Variants in VWC2L observed in about 807,000 individuals in gnomAD.
The protein encoded by VWC2L is von Willebrand factor C domain containing 2 like, also known as von Willebrand factor C domain-containing protein 2-like.
In VWC2L, 10 loss-of-function variants were observed where a neutral mutation model predicts 21.6. That is an observed-to-expected ratio of 0.46 (90% confidence interval 0.29 to 0.78). The LOEUF (loss-of-function observed/expected upper bound fraction) is 0.78, where lower values mean the gene tolerates loss of function less well. Ranked by LOEUF, VWC2L falls within the 30% of genes least tolerant of loss-of-function variation. The pLI is 0.10. For missense variants in VWC2L, 209 were observed against 277.1 expected (o/e 0.75, Z 1.74); for synonymous variants, 96 against 94.3 (o/e 1.02, Z -0.10).
intron 2 of VWC2L, among the ~76,000 whole-genome samples, chr2:214,422,893 A>G (rs542691135): frequency 1.3e-5 from 2 of 152,312 alleles, no homozygotes; most frequent in South Asian, 4.1e-4. Context: ...TGCACTGAAC[A>G]CTACTCTTAA....
At chr2:214,422,130 C>T (rs1406962284) in intron 2 of VWC2L, among the ~76,000 whole-genome samples, 1 of 151,700 alleles carries the variant, frequency 6.6e-6, no homozygotes, top group Non-Finnish European at 1.5e-5. Flanking sequence ...CCTCGTGATC[C>T]GCCCGTCTCG....
chr2:214,536,401 A>C (rs1689529464), intron 3 of VWC2L, among the ~76,000 whole-genome samples: 1 of 152,072 alleles, frequency 6.6e-6, no homozygotes, highest in Non-Finnish European at 1.5e-5. Context: ...CATTGAAAAC[A>C]CCTTGTAGTG....
chr2:214,541,284 G>GAA (rs201085687), intron 3 of VWC2L, among the ~76,000 whole-genome samples: 24 of 146,294 alleles, frequency 1.6e-4, no homozygotes, highest in South Asian at 8.7e-4. Flanking sequence ...CACCCAAATG[G>GAA]AAAAAAAAAA....
At chr2:214,465,695 G>A (rs1405524277) in intron 3 of VWC2L, among the ~76,000 whole-genome samples, 1 of 152,138 alleles carries the variant, frequency 6.6e-6, no homozygotes, top group Non-Finnish European at 1.5e-5. Context: ...ACTTGCCCAG[G>A]AATTGAAGTC....
At chr2:214,501,823 A>G (rs1402867362) in intron 3 of VWC2L, among the ~76,000 whole-genome samples, 1 of 152,020 alleles carries the variant, frequency 6.6e-6, no homozygotes, top group African/African-American at 2.4e-5. Context: ...TTGAGCCACT[A>G]TATAAGACTC....
chr2:214,452,142 GT>G (rs1702965555), intron 3 of VWC2L, among the ~76,000 whole-genome samples: 1 of 152,058 alleles, frequency 6.6e-6, no homozygotes, highest in Non-Finnish European at 1.5e-5. Flanking sequence ...TCTTTTGTTT[GT>G]TTTTGGCTTT....
At chr2:214,501,715 C>G (rs12694334) in intron 3 of VWC2L, among the ~76,000 whole-genome samples, 1 of 139,456 alleles carries the variant, frequency 7.2e-6, no homozygotes. Context: ...GAGCAAGACT[C>G]TGTCTCAAAA....
intron 3 of VWC2L, among the ~76,000 whole-genome samples, chr2:214,444,139 T>C (rs1702803074): frequency 1.3e-5 from 2 of 152,076 alleles, no homozygotes; most frequent in African/African-American, 2.4e-5. Context: ...CCTAACTACA[T>C]ATGAAAATTT....
chr2:214,484,931 G>GAAATGTATCATCATGA (rs1191520206), intron 3 of VWC2L, among the ~76,000 whole-genome samples: 1 of 152,146 alleles, frequency 6.6e-6, no homozygotes, highest in Non-Finnish European at 1.5e-5. Flanking sequence ...CCAGAGCATG[G>GAAATGTATCATCATGA]AAATGTATCA....
chr2:214,478,970 C>T (rs1559303010), intron 3 of VWC2L, among the ~76,000 whole-genome samples: 1 of 152,188 alleles, frequency 6.6e-6, no homozygotes, highest in Non-Finnish European at 1.5e-5. Flanking sequence ...ATTAGGAACT[C>T]ATACTGCCAC....
At chr2:214,482,186 C>T (rs758059493) in intron 3 of VWC2L, among the ~76,000 whole-genome samples, 3 of 152,180 alleles carry the variant, frequency 2.0e-5, no homozygotes, top group Non-Finnish European at 2.9e-5. Flanking sequence ...TATGTACTCA[C>T]AACCTTAAGA....
At chr2:214,467,787 C>T (rs908990012) in intron 3 of VWC2L, among the ~76,000 whole-genome samples, 11 of 152,222 alleles carry the variant, frequency 7.2e-5, no homozygotes, top group African/African-American at 2.6e-4. Flanking sequence ...CATTCAATAA[C>T]TACTGAGTAC....
At chr2:214,486,473 T>C (rs1688674140) in intron 3 of VWC2L, among the ~76,000 whole-genome samples, 1 of 152,190 alleles carries the variant, frequency 6.6e-6, no homozygotes, top group South Asian at 2.1e-4. Context: ...CCAAACAGAC[T>C]ATCTTCTTTA....
chr2:214,507,841 T>C (rs1688988971), intron 3 of VWC2L, among the ~76,000 whole-genome samples: 1 of 152,208 alleles, frequency 6.6e-6, no homozygotes, highest in Non-Finnish European at 1.5e-5. Context: ...GGAATGGGTT[T>C]CAAGGAATTT....
intron 3 of VWC2L, among the ~76,000 whole-genome samples, chr2:214,499,971 G>A (rs949494123): frequency 6.6e-6 from 1 of 152,166 alleles, no homozygotes; most frequent in Non-Finnish European, 1.5e-5. Context: ...TAGGATAGTT[G>A]GGAAAGGCCT....
At chr2:214,542,071 T>C (rs1689637709) in intron 3 of VWC2L, among the ~76,000 whole-genome samples, 1 of 152,176 alleles carries the variant, frequency 6.6e-6, no homozygotes, top group Non-Finnish European at 1.5e-5. Flanking sequence ...TGAGTGAATA[T>C]AATGCTGATG....
At chr2:214,557,645 T>C (rs1436280624) in intron 3 of VWC2L, among the ~76,000 whole-genome samples, 1 of 152,180 alleles carries the variant, frequency 6.6e-6, no homozygotes, top group East Asian at 1.9e-4. Context: ...GTCTCAACCA[T>C]TTCCTTTTTT....
intron 3 of VWC2L, among the ~76,000 whole-genome samples, chr2:214,530,691 T>C (rs1249760377): frequency 2.0e-5 from 3 of 152,156 alleles, no homozygotes; most frequent in Non-Finnish European, 4.4e-5. Context: ...GTAAGTAACT[T>C]GTACAAGCTC....
rs55864016 is a variant in VWC2L, at chr2:214,563,546, C to CAAAAAAAAAAAAAAAAAAAAAA, written c.521-12112_521-12091dup. Reference sequence around the variant, plus strand: ...TGGGTGACACAGCAAGACTCCGTCTCAAAAAAAAAAAAAAAAAAAAAAAAA... The same window carrying CAAAAAAAAAAAAAAAAAAAAAA: ...TGGGTGACACAGCAAGACTCCGTCTCAAAAAAAAAAAAAAAAAAAAAAAAAAAAAAAAAAAAAAAAAAAAAAA... On this transcript the variant is annotated intron_variant, in intron 3 of 3. Coordinates refer to ENST00000312504, the MANE Select transcript of VWC2L (RefSeq NM_001080500.4). Among the ~76,000 whole-genome samples the CAAAAAAAAAAAAAAAAAAAAAA allele has an allele frequency of 4.6e-4, 44 of 95,858 alleles. 1 individual carries two copies. Among genetic ancestry groups the CAAAAAAAAAAAAAAAAAAAAAA allele is most frequent in the African/African-American group, 8.8e-4 (21 of 23,784 alleles). 62.9% of individuals were successfully genotyped at this position (95,858 alleles called of 152,430 possible).
Sources: allele counts gnomAD v4.1 joint callset (sites outside exome capture counted in the v4.1 genomes callset), GRCh38; gene constraint gnomAD v4.1.1; transcripts MANE v1.5; gene names NCBI Gene and HGNC (gene_info 2026-07-23, HGNC 2026-07-21).